ERBIN: variants seen among roughly 807,000 people sequenced by gnomAD.
The protein encoded by ERBIN is erbb2 interacting protein.
In ERBIN, 60 loss-of-function variants were observed where a neutral mutation model predicts 158.4. The observed-to-expected ratio is 0.38, with a 90% CI of 0.31 to 0.47. The LOEUF (loss-of-function observed/expected upper bound fraction) is 0.47. Ranked by LOEUF, ERBIN falls within the 20% of genes least tolerant of loss-of-function variation. The probability of loss-of-function intolerance (pLI) is 0.99; values close to 1 mark genes in which losing one functional copy is unlikely to be tolerated. For missense variants in ERBIN, 1,610 were observed against 1,648.0 expected, an observed-to-expected ratio of 0.98 and a Z score of 0.40; for synonymous variants, 594 against 557.2, an observed-to-expected ratio of 1.07 and a Z score of -0.93.
intron 14 of ERBIN, among the ~76,000 whole-genome samples, chr5:66,034,151 T>C (rs1216102645): frequency 6.7e-6 from 1 of 150,364 alleles, no homozygotes. Flanking sequence ...AGCAGTTGGA[T>C]AATGGATGGA....
intron 1 of ERBIN, among the ~76,000 whole-genome samples, chr5:65,937,016 C>A (rs536051653): frequency 6.6e-6 from 1 of 152,102 alleles, no homozygotes. Context: ...TATGTAAGAA[C>A]ATAAGTTTTG....
chr5:66,031,169 G>T (rs1029218707), intron 14 of ERBIN, among the ~76,000 whole-genome samples: 2 of 152,134 alleles, frequency 1.3e-5, no homozygotes, highest in African/African-American at 4.8e-5. Flanking sequence ...GGTATACAGA[G>T]GTTTGGTTGT....
At chr5:66,004,695 ACC>A (rs1428114041) in intron 4 of ERBIN, among the ~76,000 whole-genome samples, 1 of 152,126 alleles carries the variant, frequency 6.6e-6, no homozygotes, top group Non-Finnish European at 1.5e-5. Flanking sequence ...GAGCCACTGC[ACC>A]CTGCCCCTGT....
chr5:66,002,410 A>G (rs1753102364), intron 4 of ERBIN, among the ~76,000 whole-genome samples: 1 of 151,638 alleles, frequency 6.6e-6, no homozygotes, highest in Non-Finnish European at 1.5e-5. Context: ...GGGAAGACTG[A>G]GAAGATGTGA....
At chr5:66,057,908 T>TCCATGATGTATCTGTGC (rs545959114) in intron 21 of ERBIN, among the ~76,000 whole-genome samples, 1 of 142,998 alleles carries the variant, frequency 7.0e-6, no homozygotes, top group African/African-American at 2.9e-5. Context: ...TGCATAGTAT[T>TCCATGATGTATCTGTGC]CACATTTTCT....
intron 4 of ERBIN, among the ~76,000 whole-genome samples, chr5:66,005,514 T>G (rs1211523026): frequency 6.6e-6 from 1 of 152,092 alleles, no homozygotes; most frequent in Admixed American, 6.5e-5. Context: ...AAGGGCATGA[T>G]TGTCAATAAA....
intron 14 of ERBIN, among the ~76,000 whole-genome samples, chr5:66,033,030 C>A (rs773969990): frequency 2.1e-4 from 32 of 152,186 alleles, no homozygotes; most frequent in Non-Finnish European, 4.0e-4. Context: ...ATAGAACACG[C>A]TGGTGACCAT....
At chr5:66,043,313 C>T in intron 16 of ERBIN, 115 bp downstream of exon 16, 3 of 1,014,378 alleles carry the variant, frequency 3.0e-6, no homozygotes, top group South Asian at 1.7e-5. Flanking sequence ...ATTCCTTGTC[C>T]TCAAGGCACT....
intron 1 of ERBIN, among the ~76,000 whole-genome samples, chr5:65,956,174 C>G (rs1165823824): frequency 1.3e-5 from 2 of 152,034 alleles, no homozygotes; most frequent in African/African-American, 2.4e-5. Flanking sequence ...TAGGAATGCT[C>G]TCTGTGGTAG....
At chr5:65,969,270 A>T (rs1748993436) in intron 1 of ERBIN, among the ~76,000 whole-genome samples, 1 of 152,200 alleles carries the variant, frequency 6.6e-6, no homozygotes. Context: ...TCAAAGAAAC[A>T]AGTTACTCTT....
At chr5:66,078,015 T>G (rs1052127461) in intron 25 of ERBIN, among the ~76,000 whole-genome samples, 4 of 152,190 alleles carry the variant, frequency 2.6e-5, no homozygotes, top group Admixed American at 2.6e-4. Flanking sequence ...TGGTACACAG[T>G]AGAACCTCAG....
chr5:65,928,514 G>A (rs1742960132), intron 1 of ERBIN, among the ~76,000 whole-genome samples: 1 of 152,060 alleles, frequency 6.6e-6, no homozygotes, highest in South Asian at 2.1e-4. Flanking sequence ...GAGAATTATC[G>A]CTTTATGAAG....
chr5:66,071,798 T>G (rs745718317), intron 21 of ERBIN, among the ~76,000 whole-genome samples: 1 of 151,888 alleles, frequency 6.6e-6, no homozygotes, highest in South Asian at 2.1e-4. Flanking sequence ...TCTTAAAATT[T>G]GAGACTCTAA....
Position 66,028,304 on chromosome 5 carries a change from G to C in ERBIN, c.1167G>C (p.Lys389Asn), listed in dbSNP as rs779035735. Reference protein sequence around the residue: ...RLKNLPFSFTKLQQLTAMWLS... With the variant: ...RLKNLPFSFTNLQQLTAMWLS... ...AGAATTTACCCTTTAGCTTTACAAA[G>C]CTACAGCAATTGACAGCTATGTGGC... Residue 389 changes from lysine (K) to asparagine (N), a missense_variant, in exon 14 of 26, where the codon AAG becomes AAC. Lys to Asn is a moderately conservative substitution (Grantham distance 94). Coordinates refer to ENST00000284037, the MANE Select transcript of ERBIN (RefSeq NM_001253697.2). The C allele has an allele frequency of 2.5e-6, 4 of 1,612,078 alleles. No individual in the cohort carries two copies. Among genetic ancestry groups the C allele is most frequent in the Non-Finnish European group, 3.4e-6 (4 of 1,179,004 alleles).
intron 7 of ERBIN, among the ~76,000 whole-genome samples, chr5:66,015,223 A>C (rs1415371525): frequency 2.0e-5 from 3 of 152,198 alleles, no homozygotes; most frequent in Non-Finnish European, 4.4e-5. Context: ...AAAAAGATTT[A>C]ATTATAAAAG....
intron 1 of ERBIN, among the ~76,000 whole-genome samples, chr5:65,977,179 CT>C (rs1750005742): frequency 6.7e-6 from 1 of 148,358 alleles, no homozygotes; most frequent in Non-Finnish European, 1.5e-5. Flanking sequence ...GACGGGGCGG[CT>C]GGCCGGGCGG....
chr5:65,948,348 T>C (rs546168153), intron 1 of ERBIN, among the ~76,000 whole-genome samples: 1 of 152,060 alleles, frequency 6.6e-6, no homozygotes, highest in East Asian at 1.9e-4. Context: ...CTAATTTTTT[T>C]TTTTTTTAAG....
intron 1 of ERBIN, among the ~76,000 whole-genome samples, chr5:65,928,366 T>C (rs1254970901): frequency 1.3e-5 from 2 of 152,152 alleles, no homozygotes; most frequent in African/African-American, 4.8e-5. Flanking sequence ...TTGGAACGTA[T>C]CATTAGGCTG....
Position 66,050,945 on chromosome 5 carries a change from T to C in ERBIN, c.2066T>C (p.Ile689Thr). 2 of 1,603,480 alleles carry C rather than the reference T, an allele frequency of 1.2e-6. No homozygotes were observed. Among genetic ancestry groups the C allele is most frequent in the East Asian group, 2.2e-5 (1 of 44,478 alleles). Reference sequence around the variant, plus strand: ...TGCTCTCCAGTGAAACAAACTCATATTGATATTAATTCCAAAATCAGGTGT... The same window carrying C: ...TGCTCTCCAGTGAAACAAACTCATACTGATATTAATTCCAAAATCAGGTGT... ...SLCSPVKQTH[I>T]DINSKIRQED... is the part of the protein sequence containing the mutation. The change falls in exon 20 of 26, where the codon ATT (isoleucine) becomes ACT (threonine). Residue 689 changes from isoleucine to threonine, a missense_variant. Coordinates refer to ENST00000284037, the MANE Select transcript of ERBIN (RefSeq NM_001253697.2).
Sources: allele counts gnomAD v4.1 joint callset (sites outside exome capture counted in the v4.1 genomes callset), GRCh38; gene constraint gnomAD v4.1.1; transcripts MANE v1.5; gene names NCBI Gene and HGNC (gene_info 2026-07-23, HGNC 2026-07-21).